Variants in KCNB2 observed in about 807,000 individuals in gnomAD.
KCNB2 encodes the protein delayed rectifier potassium channel protein.
Under a neutral mutation model 61.5 loss-of-function variants are expected in KCNB2, and 15 were observed. The ratio of observed to expected loss-of-function variants is 0.24; its 90% confidence interval spans 0.16 to 0.38. KCNB2 has a LOEUF of 0.38. Ranked by LOEUF, KCNB2 falls within the 10% of genes least tolerant of loss-of-function variation. The pLI is 1.00. For synonymous variants in KCNB2, 457 were observed against 446.0 expected, an observed-to-expected ratio of 1.02 and a Z score of -0.31; for missense variants, 828 against 1,125.2, an observed-to-expected ratio of 0.74 and a Z score of 3.78.
In KCNB2 at chr8:72,754,237, T is replaced by G. The variant is rs543633904; in HGVS notation, c.580-181698T>G. Among the ~76,000 whole-genome samples the G allele has an allele frequency of 1.7e-4, 26 of 152,254 alleles. No individual in the cohort carries two copies. The East Asian group carries it at 4.6e-3, about 27-fold the overall frequency. The stretch of plus-strand genomic sequence containing the variant: ...ACTATGGCAGTTTCTCATTTTCCTA[T>G]GGAATTTCGCAGCCTGGAATCAAGG... On this transcript the variant is annotated intron_variant, in intron 2 of 2. Coordinates refer to ENST00000523207, the MANE Select transcript of KCNB2 (RefSeq NM_004770.3).
chr8:72,542,592 CATA>C (rs1391202035), intron 1 of KCNB2, among the ~76,000 whole-genome samples: 2 of 152,024 alleles, frequency 1.3e-5, no homozygotes, highest in Non-Finnish European at 2.9e-5. Flanking sequence ...ATTTGATTTA[CATA>C]ATGTTTATTG....
In KCNB2 at chr8:72,871,756, T is replaced by C. The variant is rs571068210; in HGVS notation, c.580-64179T>C. Among the ~76,000 whole-genome samples, 399 of 152,364 alleles carry C rather than the reference T, an allele frequency of 2.6e-3. 4 individuals carry two copies. Among genetic ancestry groups the C allele is most frequent in the African/African-American group, 9.0e-3 (375 of 41,582 alleles). On this transcript the variant is annotated intron_variant, in intron 2 of 2. Coordinates refer to ENST00000523207, the MANE Select transcript of KCNB2 (RefSeq NM_004770.3). ...AATTAAAAAGGGCTTTCAAGGTATATGATTTAAATGGATAAATTGCCAACT... is the reference window on the plus strand; with the variant it reads ...AATTAAAAAGGGCTTTCAAGGTATACGATTTAAATGGATAAATTGCCAACT...
chr8:72,556,761 G>A (rs557841553), intron 1 of KCNB2, among the ~76,000 whole-genome samples: 2 of 152,234 alleles, frequency 1.3e-5, no homozygotes, highest in South Asian at 2.1e-4. Context: ...ATGCTATGCC[G>A]AGTGTCCCAA....
At chr8:72,674,744 A>G (rs1361547638) in intron 2 of KCNB2, among the ~76,000 whole-genome samples, 2 of 152,204 alleles carry the variant, frequency 1.3e-5, no homozygotes, top group African/African-American at 4.8e-5. Context: ...TCTGACTGCT[A>G]GAGAAGGGTA....
chr8:72,727,855 A>C (rs1410681428), intron 2 of KCNB2, among the ~76,000 whole-genome samples: 1 of 152,230 alleles, frequency 6.6e-6, no homozygotes, highest in African/African-American at 2.4e-5. Context: ...CTGATTACAG[A>C]TTCTTTAGCT....
rs1809256876 is a variant in KCNB2, at chr8:72,808,402, C to T, written c.580-127533C>T. ...GAATGAACTACTAAATGATCTGTTTCATGTCATAGTTTTTAAAAGCACCTA... is the reference window on the plus strand; with the variant it reads ...GAATGAACTACTAAATGATCTGTTTTATGTCATAGTTTTTAAAAGCACCTA... On this transcript the variant is annotated intron_variant, in intron 2 of 2. Transcript: ENST00000523207. Among the ~76,000 whole-genome samples, 3 of 152,102 alleles carry T rather than the reference C, an allele frequency of 2.0e-5. No individual in the cohort carries two copies. The South Asian group carries it at 6.2e-4, about 32-fold the overall frequency.
intron 2 of KCNB2, among the ~76,000 whole-genome samples, chr8:72,686,336 A>G (rs1806852661): frequency 6.6e-6 from 1 of 152,076 alleles, no homozygotes; most frequent in Non-Finnish European, 1.5e-5. Flanking sequence ...TTAACAGAAT[A>G]TGATCATCCT....
At chr8:72,694,125 A>G (rs1208085358) in intron 2 of KCNB2, among the ~76,000 whole-genome samples, 2 of 152,242 alleles carry the variant, frequency 1.3e-5, no homozygotes. Flanking sequence ...ATCATGAACT[A>G]TTAAAGGATA....
At chr8:72,556,071 G>C (rs1282113172) in intron 1 of KCNB2, among the ~76,000 whole-genome samples, 4 of 151,930 alleles carry the variant, frequency 2.6e-5, no homozygotes, top group Non-Finnish European at 5.9e-5. Flanking sequence ...TTTATTTCAA[G>C]ACTGCATCAT....
chr8:72,551,988 T>C (rs969688164), intron 1 of KCNB2, among the ~76,000 whole-genome samples: 1 of 152,110 alleles, frequency 6.6e-6, no homozygotes, highest in Admixed American at 6.6e-5. Flanking sequence ...CTGTTCAGGG[T>C]AGGGCAGGAT....
At chr8:72,617,183 C>A (rs1805632595) in intron 2 of KCNB2, among the ~76,000 whole-genome samples, 1 of 152,142 alleles carries the variant, frequency 6.6e-6, no homozygotes, top group Admixed American at 6.5e-5. Context: ...TAGGAGGTAT[C>A]CTTATGTCAC....
intron 2 of KCNB2, among the ~76,000 whole-genome samples, chr8:72,629,827 G>A (rs938745550): frequency 3.3e-5 from 5 of 152,182 alleles, no homozygotes; most frequent in South Asian, 2.1e-4. Context: ...CCTCCAGTTT[G>A]TAGTGATTTG....
At chr8:72,587,779 G>C (rs752940963) in intron 2 of KCNB2, among the ~76,000 whole-genome samples, 1 of 152,038 alleles carries the variant, frequency 6.6e-6, no homozygotes, top group Non-Finnish European at 1.5e-5. Flanking sequence ...CTCCATAACA[G>C]GATGAAACTT....
At chr8:72,864,241 T>C (rs1319764875) in intron 2 of KCNB2, among the ~76,000 whole-genome samples, 1 of 152,114 alleles carries the variant, frequency 6.6e-6, no homozygotes, top group Non-Finnish European at 1.5e-5. Context: ...AAATGAGTAA[T>C]AAACATCAGG....
In KCNB2 at chr8:72,709,345, TA is replaced by T. The variant is rs547402168; in HGVS notation, c.579+141033del. Among the ~76,000 whole-genome samples, 13 of 152,302 alleles carry T rather than the reference TA, an allele frequency of 8.5e-5. No homozygotes were observed. In the South Asian group the frequency reaches 2.5e-3, roughly 29 times the overall value. Reference sequence around the variant, plus strand: ...AAAATTTCTAACTGTGAAATTTGGCTAGCCTTCTGTATTAGACCATTTTTGC... The same window carrying T: ...AAAATTTCTAACTGTGAAATTTGGCTGCCTTCTGTATTAGACCATTTTTGC... On this transcript the variant is annotated intron_variant, in intron 2 of 2. Coordinates refer to ENST00000523207, the MANE Select transcript of KCNB2 (RefSeq NM_004770.3).
intron 2 of KCNB2, among the ~76,000 whole-genome samples, chr8:72,766,105 T>A (rs1035206649): frequency 1.3e-5 from 2 of 152,148 alleles, no homozygotes; most frequent in Admixed American, 1.3e-4. Flanking sequence ...AGGCCTTGAG[T>A]GATGAACAAG....
At chr8:72,858,271 A>C (rs375215367) in intron 2 of KCNB2, among the ~76,000 whole-genome samples, 1 of 152,332 alleles carries the variant, frequency 6.6e-6, no homozygotes, top group South Asian at 2.1e-4. Context: ...TAAAATCATT[A>C]AAAAGTTTAA....
At chr8:72,623,741 A>G (rs1180305795) in intron 2 of KCNB2, among the ~76,000 whole-genome samples, 4 of 152,166 alleles carry the variant, frequency 2.6e-5, no homozygotes. Flanking sequence ...CGGTTAATTA[A>G]TTCTCATGAC....
chr8:72,687,768 C>A (rs1271368582), intron 2 of KCNB2, among the ~76,000 whole-genome samples: 1 of 152,150 alleles, frequency 6.6e-6, no homozygotes, highest in Non-Finnish European at 1.5e-5. Context: ...GAAATGGAGA[C>A]ATTGATCCAT....
Sources: gnomAD v4.1 joint callset for allele counts (sites outside exome capture counted in the v4.1 genomes callset) on GRCh38, gnomAD v4.1.1 for gene constraint, MANE v1.5 for transcripts, NCBI Gene and HGNC (gene_info 2026-07-23, HGNC 2026-07-21) for gene names.